The following PGPEP1L variants were observed in gnomAD, a reference collection of about 807,000 sequenced individuals.
PGPEP1L encodes the protein pyroglutamyl-peptidase 1-like protein.
A neutral mutation model predicts 6.0 loss-of-function variants in PGPEP1L; 7 were observed. The ratio of observed to expected loss-of-function variants is 1.17; its 90% CI spans 0.66 to 2.19. The LOEUF (loss-of-function observed/expected upper bound fraction) is 2.19, where lower values mean the gene tolerates loss of function less well. Among genes scored for constraint, PGPEP1L ranks in the 30% most tolerant of loss-of-function variants. PGPEP1L has a pLI of 0.00. For synonymous variants in PGPEP1L, 103 were observed against 83.9 expected (o/e 1.23, Z -1.24); for missense variants, 209 against 192.5 (o/e 1.09, Z -0.51).
chr15:98,971,020 T>C lies in PGPEP1L; in HGVS notation c.-19+16A>G, dbSNP rs1040628889. ...ATCGCCAGTCCCATGCCCCACTGCC[T>C]CTGGCCATCACTTACTTGCGGCTGA... On this transcript the variant is annotated intron_variant, in intron 3 of 4. Coordinates refer to ENST00000535714, the MANE Select transcript of PGPEP1L (RefSeq NM_001167902.2). 2.5e-6 allele frequency: 4 copies of C among 1,612,918 alleles called. No homozygotes were observed. The highest frequency in any genetic ancestry group is 3.4e-6 in the Non-Finnish European group (4 of 1,179,376).
intron 2 of PGPEP1L, among the ~76,000 whole-genome samples, chr15:98,979,519 A>G (rs1461638160): frequency 1.4e-4 from 21 of 152,130 alleles, no homozygotes; most frequent in Admixed American, 1.4e-3. Context: ...ATTCCCATCA[A>G]TCAATGAGTG....
intron 1 of PGPEP1L, among the ~76,000 whole-genome samples, chr15:99,005,976 A>T (rs1399010779): frequency 1.3e-5 from 2 of 152,184 alleles, no homozygotes; most frequent in African/African-American, 4.8e-5. Context: ...GTGTTTGGCC[A>T]TTATGATTTG....
At chr15:98,972,872 CAAAAAAAAAAAAA>C (rs58126997) in intron 2 of PGPEP1L, among the ~76,000 whole-genome samples, 3 of 45,654 alleles carry the variant, frequency 6.6e-5, no homozygotes, top group Admixed American at 4.0e-4. Context: ...GACTCCGTCT[CAAAAAAAAAAAAA>C]AAAAAAAAAA....
chr15:98,978,062 A>G (rs1362116034), intron 2 of PGPEP1L, among the ~76,000 whole-genome samples: 1 of 152,242 alleles, frequency 6.6e-6, no homozygotes, highest in Non-Finnish European at 1.5e-5. Context: ...GCTGCTGCCC[A>G]AAAGGCATCT....
intron 2 of PGPEP1L, among the ~76,000 whole-genome samples, chr15:98,974,378 CA>C (rs67979607): frequency 4.1e-5 from 6 of 147,648 alleles, no homozygotes; most frequent in Non-Finnish European, 6.0e-5. Flanking sequence ...GACCCTGTCT[CA>C]AAAAAAAATA....
chr15:98,979,728 G>A (rs373586583), intron 2 of PGPEP1L, among the ~76,000 whole-genome samples: 4 of 134,788 alleles, frequency 3.0e-5, no homozygotes, highest in East Asian at 2.3e-4. Context: ...TTGGCTCACC[G>A]CAACTCTGCC....
At chr15:98,992,838 C>T (rs927794942) in intron 2 of PGPEP1L, among the ~76,000 whole-genome samples, 1 of 152,160 alleles carries the variant, frequency 6.6e-6, no homozygotes, top group African/African-American at 2.4e-5. Flanking sequence ...CAAAAACAAG[C>T]AATGGGGAAA....
rs188332090 is a variant in PGPEP1L, at chr15:98,972,315, C to T, written c.-141-1157G>A. On this transcript the variant is annotated intron_variant, in intron 2 of 4. Coordinates refer to ENST00000535714, the MANE Select transcript of PGPEP1L (RefSeq NM_001167902.2). ...TTGCAGTGAACTGAGATCGTGCCAT[C>T]GCACTCCAGCCTGGGCAACAAGAGC... Among the ~76,000 whole-genome samples the T allele has an allele frequency of 1.1e-3, 164 of 151,526 alleles. No individual in the cohort carries two copies. In the East Asian group the frequency reaches 0.03, roughly 27 times the overall value.
At chr15:98,977,161 ATT>A (rs1048491831) in intron 2 of PGPEP1L, among the ~76,000 whole-genome samples, 22 of 152,146 alleles carry the variant, frequency 1.4e-4, no homozygotes, top group African/African-American at 5.3e-4. Flanking sequence ...AGGTTTATCA[ATT>A]TTATTAATTT....
chr15:98,981,321 T>C (rs1198099477), intron 2 of PGPEP1L, among the ~76,000 whole-genome samples: 20 of 151,538 alleles, frequency 1.3e-4, no homozygotes, highest in Admixed American at 1.2e-3. Flanking sequence ...TGAAACCCCG[T>C]CTCCACTAAA....
chr15:98,972,773 A>C (rs1368277308), intron 2 of PGPEP1L, among the ~76,000 whole-genome samples: 6 of 147,492 alleles, frequency 4.1e-5, no homozygotes, highest in Admixed American at 3.5e-4. Context: ...CGGGAGGCTG[A>C]GGCAGGAGAA....
chr15:99,006,317 G>A (rs1471819757), intron 1 of PGPEP1L, among the ~76,000 whole-genome samples: 9 of 152,212 alleles, frequency 5.9e-5, no homozygotes, highest in African/African-American at 1.9e-4. Context: ...ACCACCCTGC[G>A]TTCTACCTGC....
At chr15:98,984,254 C>T (rs2017713558) in intron 2 of PGPEP1L, among the ~76,000 whole-genome samples, 1 of 152,156 alleles carries the variant, frequency 6.6e-6, no homozygotes, top group Admixed American at 6.5e-5. Context: ...TTGTGAACCA[C>T]CCACCGTGGC....
At chr15:98,980,764 G>A (rs1000050212) in intron 2 of PGPEP1L, among the ~76,000 whole-genome samples, 4 of 151,592 alleles carry the variant, frequency 2.6e-5, no homozygotes, top group East Asian at 2.0e-4. Context: ...AAACCCCGTC[G>A]CTACTAAAAA....
chr15:98,991,239 G>T (rs2017815906), intron 2 of PGPEP1L, among the ~76,000 whole-genome samples: 1 of 150,940 alleles, frequency 6.6e-6, no homozygotes, highest in African/African-American at 2.4e-5. Flanking sequence ...AAAGAGAGAA[G>T]AATCAAATGG....
chr15:98,992,979 A>G (rs1373040673), intron 2 of PGPEP1L, among the ~76,000 whole-genome samples: 7 of 152,104 alleles, frequency 4.6e-5, no homozygotes, highest in African/African-American at 7.2e-5. Context: ...CGTAAGAAAC[A>G]TAAGACCTAA....
In PGPEP1L at chr15:98,976,063, G is replaced by A. The variant is rs919118693; in HGVS notation, c.-141-4905C>T. 4.6e-5 allele frequency among the ~76,000 whole-genome samples: 7 copies of A among 152,048 alleles called. 1 individual carries two copies. The highest frequency in any genetic ancestry group is 1.7e-4 in the African/African-American group (7 of 41,382). On this transcript the variant is annotated intron_variant, in intron 2 of 4. Transcript: ENST00000535714. ...ACATACAGTGATTACCAGACGTTGG[G>A]GGAAGGAAGAAATGGAGGGTTATTG...
intron 2 of PGPEP1L, among the ~76,000 whole-genome samples, chr15:98,995,918 C>G (rs568263184): frequency 6.6e-6 from 1 of 152,162 alleles, no homozygotes; most frequent in Admixed American, 6.5e-5. Context: ...TAAGTAGAAT[C>G]TTACCATATG....
intron 3 of PGPEP1L, among the ~76,000 whole-genome samples, chr15:98,970,538 T>TG (rs143499070): frequency 0.015 from 2,319 of 151,508 alleles, 58 homozygotes; most frequent in African/African-American, 0.051. Flanking sequence ...ATCTGGTCCT[T>TG]GTTTGGGGTT....
Sources: allele counts gnomAD v4.1 joint callset (sites outside exome capture counted in the v4.1 genomes callset), GRCh38; gene constraint gnomAD v4.1.1; transcripts MANE v1.5; gene names NCBI Gene and HGNC (gene_info 2026-07-23, HGNC 2026-07-21).